The following ACTR8 variants were observed in gnomAD, a reference collection of about 807,000 sequenced individuals.
ACTR8 encodes the protein actin related protein 8.
Under a neutral mutation model 84.3 loss-of-function variants are expected in ACTR8, and 70 were observed. That is an observed-to-expected ratio of 0.83 (90% CI 0.68 to 1.01). The LOEUF (loss-of-function observed/expected upper bound fraction) is 1.01. Ranked by LOEUF, ACTR8 falls within the 50% of genes least tolerant of loss-of-function variation. The pLI, the probability that ACTR8 is intolerant of heterozygous loss-of-function variation, is 0.00. For missense variants in ACTR8, 672 were observed against 775.4 expected, an observed-to-expected ratio of 0.87 and a Z score of 1.58; for synonymous variants, 268 against 275.2, an observed-to-expected ratio of 0.97 and a Z score of 0.26.
chr3:53,874,797 A>C (rs1291061957), intron 7 of ACTR8, among the ~76,000 whole-genome samples: 1 of 152,200 alleles, frequency 6.6e-6, no homozygotes, highest in Non-Finnish European at 1.5e-5. Flanking sequence ...AAGTTTCAAG[A>C]AATGTATGTT....
intron 7 of ACTR8, among the ~76,000 whole-genome samples, chr3:53,875,353 T>C (rs569726638): frequency 6.6e-6 from 1 of 152,196 alleles, no homozygotes; most frequent in South Asian, 2.1e-4. Flanking sequence ...CAAGAAGCCA[T>C]CTCTGGAGCA....
In ACTR8 at chr3:53,881,210, C is replaced by T. The variant is rs530020325; in HGVS notation, c.123+769G>A. Among the ~76,000 whole-genome samples, 25 of 152,310 alleles carry T rather than the reference C, an allele frequency of 1.6e-4. No homozygotes were observed. In the East Asian group the frequency reaches 4.4e-3, roughly 27 times the overall value. Reference sequence around the variant, plus strand: ...TAGGTATTATCCTTAACCCATCTACCGGTAAGGAAGCTGGATCAGAGATGT... The same window carrying T: ...TAGGTATTATCCTTAACCCATCTACTGGTAAGGAAGCTGGATCAGAGATGT... On this transcript the variant is annotated intron_variant, in intron 1 of 12. Transcript: ENST00000335754.
At chr3:53,869,953 A>T in intron 12 of ACTR8, 29 bp downstream of exon 12, 1 of 1,610,610 alleles carries the variant, frequency 6.2e-7, no homozygotes, top group Non-Finnish European at 8.5e-7. Flanking sequence ...ATTTGCATAC[A>T]GTCCAACTTG....
rs779376224 is a variant in ACTR8 at position 53,876,109 on chromosome 3, G to C, written c.779-29C>G. ...GGGGGGGAAAAGAAAAGGCAGAGTA[G>C]TCATTAGCTGTAGCACGGTAAAGAT... On this transcript the variant is annotated intron_variant, in intron 6 of 12. Coordinates refer to ENST00000335754, the MANE Select transcript of ACTR8 (RefSeq NM_022899.5). 1.1e-5 allele frequency: 18 copies of C among 1,612,168 alleles called. No homozygotes were observed. In the African/African-American group the frequency reaches 1.9e-4, roughly 17 times the overall value.
Position 53,868,792 on chromosome 3 carries a change from A to C in ACTR8, c.1802T>G (p.Leu601Arg). 2 of 1,614,238 alleles carry C rather than the reference A, an allele frequency of 1.2e-6. No individual in the cohort carries two copies. The highest frequency in any genetic ancestry group is 1.1e-5 in the South Asian group (1 of 91,082). ...VLACLDTTQE[L>R]WIYQREWQRF... ...CTGCCACTCTCGCTGATAAATCCAC[A>C]GTTCCTGTGTTGTATCCAAACAAGC... is the stretch of plus-strand genomic sequence containing the variant. Residue 601 changes from leucine (L) to arginine (R), a missense_variant, in exon 13 of 13, where the codon CTG (leucine) becomes CGG (arginine). Physicochemically the swap from Leu to Arg is moderately radical, Grantham distance 102. Coordinates refer to ENST00000335754, the MANE Select transcript of ACTR8 (RefSeq NM_022899.5).
chr3:53,876,774 C>A, intron 5 of ACTR8, 61 bp from the exon 6 acceptor site: 1 of 872,502 alleles, frequency 1.1e-6, no homozygotes, highest in South Asian at 1.6e-5. Context: ...CAAATTCACA[C>A]TCCTTTTTAG....
chr3:53,876,644 T>C lies in ACTR8; in HGVS notation c.754A>G (p.Ile252Val), dbSNP rs1441632090. The change falls in exon 6 of 13, where the codon ATA (isoleucine) becomes GTA (valine). Residue 252 changes from isoleucine (I) to valine (V), a missense_variant. Physicochemically the swap from Ile to Val is conservative, Grantham distance 29. Transcript: ENST00000335754. ...CCTGAAAAACCCATCTTCATTAGTA[T>C]CATATTCACTAGTTCTTTCACATGC... ...KQHVKELVNMILMKMGFSGIV... is the reference protein window; with the variant it reads ...KQHVKELVNMVLMKMGFSGIV... 1.9e-6 allele frequency: 3 copies of C among 1,574,898 alleles called. No homozygotes were observed. Among genetic ancestry groups the C allele is most frequent in the Non-Finnish European group, 2.6e-6 (3 of 1,150,884 alleles).
intron 7 of ACTR8, among the ~76,000 whole-genome samples, chr3:53,874,792 T>A (rs1050509499): frequency 1.3e-5 from 2 of 151,640 alleles, no homozygotes; most frequent in Admixed American, 6.6e-5. Context: ...ATAGCAAGTT[T>A]CAAGAAATGT....
downstream of ACTR8, chr3:53,865,349 CCACCAA>C: frequency 6.7e-7 from 1 of 1,482,420 alleles, no homozygotes; most frequent in Non-Finnish European, 9.1e-7. Flanking sequence ...GCTTCCTATC[CCACCAA>C]TTACAGGGAA....
chr3:53,871,835 G>A (rs1225550289), intron 10 of ACTR8, among the ~76,000 whole-genome samples: 1 of 152,178 alleles, frequency 6.6e-6, no homozygotes, highest in Admixed American at 6.5e-5. Flanking sequence ...GGATTCATGG[G>A]CCATGACTGT....
Position 53,875,809 on chromosome 3 carries a change from A to C in ACTR8, c.911+139T>G, listed in dbSNP as rs370967305. On this transcript the variant is annotated intron_variant, in intron 7 of 12. Coordinates refer to ENST00000335754, the MANE Select transcript of ACTR8 (RefSeq NM_022899.5). ...TAGCCTTGCTAGAATATGCACTTCC[A>C]TAATCTTGCTGGTTTACCATGCAGA... 54 of 1,308,050 alleles carry C rather than the reference A, an allele frequency of 4.1e-5. No individual in the cohort carries two copies. The African/African-American group carries it at 7.0e-4, about 17-fold the overall frequency. 81.0% of individuals were successfully genotyped at this position (1,308,050 alleles called of 1,614,324 possible).
downstream of ACTR8, among the ~76,000 whole-genome samples, chr3:53,863,270 C>G (rs1040569832): frequency 6.6e-6 from 1 of 152,136 alleles, no homozygotes; most frequent in Non-Finnish European, 1.5e-5. Flanking sequence ...CATGCAGGGC[C>G]GGTGCCCCTC....
At chr3:53,859,088 TTC>T in the ACTR8 span, 4 of 328,520 alleles carry the variant, frequency 1.2e-5, no homozygotes, top group Admixed American at 9.4e-5. Flanking sequence ...AAAATGGATG[TTC>T]TGAGTGCCAC....
chr3:53,875,624 T>C (rs563293487), intron 7 of ACTR8, among the ~76,000 whole-genome samples: 3 of 152,354 alleles, frequency 2.0e-5, no homozygotes, highest in Admixed American at 6.5e-5. Context: ...AAGGATGTGA[T>C]TAGTAGCTCT....
At chr3:53,875,847 T>C (rs1371131708) in intron 7 of ACTR8, 101 bp downstream of exon 7, 4 of 1,518,078 alleles carry the variant, frequency 2.6e-6, no homozygotes, top group African/African-American at 1.4e-5. Context: ...TTTGAATTTA[T>C]GGTTATCTTA....
At chr3:53,863,923 A>G (rs576387228), downstream of ACTR8, among the ~76,000 whole-genome samples, 3 of 151,816 alleles carry the variant, frequency 2.0e-5, no homozygotes, top group Non-Finnish European at 2.9e-5. Context: ...CCTGAGCTCA[A>G]GTGAACCTCC....
chr3:53,863,271 G>A (rs898076316), downstream of ACTR8, among the ~76,000 whole-genome samples: 7 of 152,094 alleles, frequency 4.6e-5, no homozygotes, highest in South Asian at 2.1e-4. Context: ...ATGCAGGGCC[G>A]GTGCCCCTCC....
chr3:53,865,566 T>C, downstream of ACTR8: 2 of 429,512 alleles, frequency 4.7e-6, no homozygotes, highest in Non-Finnish European at 8.3e-6. Flanking sequence ...ACCATTTTGA[T>C]AATGCAACAA....
In ACTR8 at chr3:53,868,656, T is replaced by C. The variant is rs12637539; in HGVS notation, c.*63A>G. 5.8e-3 allele frequency: 9,136 copies of C among 1,585,072 alleles called. 362 individuals carry two copies. The East Asian group carries it at 0.1, about 18-fold the overall frequency. On this transcript the variant is annotated 3_prime_UTR_variant, in exon 13 of 13. Transcript: ENST00000335754. ...TCAATAAATTACAATACACATATTC[T>C]GTAAGAGTCTTTTATACCAAGAAGC...
Sources: gnomAD v4.1 joint callset for allele counts (sites outside exome capture counted in the v4.1 genomes callset) on GRCh38, gnomAD v4.1.1 for gene constraint, MANE v1.5 for transcripts, NCBI Gene and HGNC (gene_info 2026-07-23, HGNC 2026-07-21) for gene names.